The following SHISA9 variants were observed in gnomAD, a reference collection of about 807,000 sequenced individuals.
SHISA9 encodes shisa family member 9.
Under a neutral mutation model 38.0 loss-of-function variants are expected in SHISA9, and 13 were observed. The ratio of observed to expected loss-of-function variants is 0.34; its 90% CI spans 0.22 to 0.54. SHISA9 has a LOEUF of 0.54. Ranked by LOEUF, SHISA9 falls within the 20% of genes least tolerant of loss-of-function variation. SHISA9 has a pLI of 0.91. For synonymous variants in SHISA9, 275 were observed against 242.0 expected (o/e 1.14, Z -1.27); for missense variants, 538 against 575.8 (o/e 0.93, Z 0.67).
intron 2 of SHISA9, among the ~76,000 whole-genome samples, chr16:13,148,273 A>G (rs1450768637): frequency 2.6e-5 from 4 of 152,108 alleles, no homozygotes; most frequent in Non-Finnish European, 5.9e-5. Context: ...CGCTCCGTGA[A>G]GTATGTCCAC....
intron 3 of SHISA9, among the ~76,000 whole-genome samples, chr16:13,210,176 A>G (rs895836541): frequency 1.3e-5 from 2 of 152,190 alleles, no homozygotes; most frequent in African/African-American, 4.8e-5. Flanking sequence ...ACTGGAAAAG[A>G]TCACCCTTTC....
intron 2 of SHISA9, among the ~76,000 whole-genome samples, chr16:12,977,963 C>T (rs951697564): frequency 6.6e-6 from 1 of 151,516 alleles, no homozygotes; most frequent in Non-Finnish European, 1.5e-5. Flanking sequence ...CGCACATGTA[C>T]CTTGGAACTT....
intron 2 of SHISA9, among the ~76,000 whole-genome samples, chr16:13,037,152 ACACACT>A (rs1567190895): frequency 1.7e-4 from 24 of 144,766 alleles, no homozygotes; most frequent in African/African-American, 5.6e-4. Context: ...ACACACACAC[ACACACT>A]GTTGGTCCCA....
chr16:13,180,964 T>G (rs1297884682), intron 2 of SHISA9, among the ~76,000 whole-genome samples: 1 of 152,048 alleles, frequency 6.6e-6, no homozygotes, highest in Non-Finnish European at 1.5e-5. Context: ...CACTATTTTT[T>G]TTCATCCAAA....
At chr16:13,486,093 C>T in the SHISA9 span, among the ~76,000 whole-genome samples, 1 of 152,184 alleles carries the variant, frequency 6.6e-6, no homozygotes, top group Admixed American at 6.5e-5. Context: ...ACAGGGGACC[C>T]CATTCCTGCA....
At chr16:13,495,698 AAT>A in the SHISA9 span, among the ~76,000 whole-genome samples, 3 of 151,988 alleles carry the variant, frequency 2.0e-5, no homozygotes, top group East Asian at 5.8e-4. Context: ...AGTATATAAT[AAT>A]ATTATAAAAG....
At chr16:13,222,988 C>T (rs548541656) in intron 4 of SHISA9, among the ~76,000 whole-genome samples, 6 of 152,292 alleles carry the variant, frequency 3.9e-5, no homozygotes, top group African/African-American at 1.4e-4. Context: ...CGATTCTCTT[C>T]AATACTCTCC....
chr16:12,970,744 A>C (rs1460587698), intron 2 of SHISA9, among the ~76,000 whole-genome samples: 1 of 150,918 alleles, frequency 6.6e-6, no homozygotes, highest in East Asian at 2.0e-4. Flanking sequence ...GGCTGGTCTC[A>C]AACTCCTGAC....
intron 2 of SHISA9, among the ~76,000 whole-genome samples, chr16:13,106,548 T>G (rs570121415): frequency 6.6e-6 from 1 of 152,316 alleles, no homozygotes; most frequent in South Asian, 2.1e-4. Context: ...TTTTGGGACA[T>G]TCAATCCTGT....
chr16:13,456,959 T>C, the SHISA9 span, among the ~76,000 whole-genome samples: 64 of 152,376 alleles, frequency 4.2e-4, no homozygotes, highest in Middle Eastern at 3.4e-3. Context: ...CACAGGCCTA[T>C]TCCCTTGGCT....
At chr16:12,987,347 A>G (rs191985459) in intron 2 of SHISA9, among the ~76,000 whole-genome samples, 23 of 152,340 alleles carry the variant, frequency 1.5e-4, no homozygotes, top group Non-Finnish European at 2.9e-5. Context: ...ATCAACCCAA[A>G]TGCCCATCAA....
At chr16:13,479,865 G>A in the SHISA9 span, among the ~76,000 whole-genome samples, 1 of 152,092 alleles carries the variant, frequency 6.6e-6, no homozygotes, top group African/African-American at 2.4e-5. Context: ...CAGTGGTGGG[G>A]TTCCATTTCC....
chr16:13,264,797 A>C, the SHISA9 span, among the ~76,000 whole-genome samples: 1 of 152,152 alleles, frequency 6.6e-6, no homozygotes. Context: ...CCCCAATATA[A>C]GAGAATTAAA....
the SHISA9 span, among the ~76,000 whole-genome samples, chr16:13,435,935 A>G: frequency 6.6e-6 from 1 of 152,208 alleles, no homozygotes; most frequent in African/African-American, 2.4e-5. Flanking sequence ...ACTCATGTGA[A>G]GAAAATGATG....
intron 2 of SHISA9, among the ~76,000 whole-genome samples, chr16:13,034,092 C>A (rs947088389): frequency 6.6e-6 from 1 of 150,868 alleles, no homozygotes; most frequent in African/African-American, 2.4e-5. Context: ...TTGCAGAGAG[C>A]TGAGATTGTG....
intron 2 of SHISA9, among the ~76,000 whole-genome samples, chr16:12,960,868 T>C (rs1358910011): frequency 2.0e-5 from 3 of 152,168 alleles, no homozygotes; most frequent in African/African-American, 7.2e-5. Flanking sequence ...ATTTTGGTAA[T>C]GTGCCAAGCG....
chr16:13,560,382 A>G, the SHISA9 span, among the ~76,000 whole-genome samples: 2 of 152,310 alleles, frequency 1.3e-5, no homozygotes, highest in African/African-American at 4.8e-5. Flanking sequence ...GCAGGATCAC[A>G]TGGTCTAATC....
At chr16:13,293,971 C>T in the SHISA9 span, among the ~76,000 whole-genome samples, 2 of 152,118 alleles carry the variant, frequency 1.3e-5, no homozygotes, top group Non-Finnish European at 2.9e-5. Flanking sequence ...GTTGGGGTAC[C>T]CAGCTGACAC....
At chr16:13,352,699 A>AGCG in the SHISA9 span, among the ~76,000 whole-genome samples, 1 of 6,702 alleles carries the variant, frequency 1.5e-4, no homozygotes, top group African/African-American at 3.5e-4. Flanking sequence ...AAGGGAGATA[A>AGCG]GGGGGGGGGG....
Sources: allele counts gnomAD v4.1 joint callset (sites outside exome capture counted in the v4.1 genomes callset), GRCh38; gene constraint gnomAD v4.1.1; transcripts MANE v1.5; gene names NCBI Gene and HGNC (gene_info 2026-07-23, HGNC 2026-07-21).